The following CPOX variants were observed in gnomAD, a reference collection of about 807,000 sequenced individuals.
CPOX encodes the protein coproporphyrinogen oxidase.
In CPOX, 24 loss-of-function variants were observed where a neutral mutation model predicts 48.9. That is an observed-to-expected ratio of 0.49 (90% CI 0.36 to 0.69). The LOEUF (loss-of-function observed/expected upper bound fraction) is 0.69, where lower values mean the gene tolerates loss of function less well. Among genes scored for constraint, CPOX ranks in the 30% least tolerant of loss-of-function variants. The pLI is 0.00. For synonymous variants in CPOX, 249 were observed against 234.6 expected (o/e 1.06, Z -0.56); for missense variants, 549 against 597.3 (o/e 0.92, Z 0.84).
At chr3:98,586,152 G>T (rs138556073) in intron 4 of CPOX, among the ~76,000 whole-genome samples, 1 of 152,136 alleles carries the variant, frequency 6.6e-6, no homozygotes, top group African/African-American at 2.4e-5. Flanking sequence ...GATTACAGGC[G>T]TGAGCCACCA....
At position 98,579,830 on chromosome 3, in the gene CPOX, A is replaced by C; in HGVS notation, c.*853T>G. 1 of 985,382 alleles carries C rather than the reference A, an allele frequency of 1.0e-6. No individual in the cohort carries two copies. The highest frequency in any genetic ancestry group is 4.7e-5 in the South Asian group (1 of 21,284). 61.0% of individuals were successfully genotyped at this position (985,382 alleles called of 1,614,324 possible). A position where few individuals can be genotyped will look rare whatever the true frequency, so the allele number is the denominator to read the frequency against. On this transcript the variant is annotated 3_prime_UTR_variant, in exon 7 of 7. Coordinates refer to ENST00000647941, the MANE Select transcript of CPOX (RefSeq NM_000097.7). The stretch of plus-strand genomic sequence containing the variant: ...AAAGAAGGAAATTATTTCTCATTTC[A>C]TTTTCCAAATGAGAAACATTGCCTA...
In CPOX at chr3:98,580,088, G is replaced by C; in HGVS notation, c.*595C>G. On this transcript the variant is annotated 3_prime_UTR_variant, in exon 7 of 7. Transcript: ENST00000647941. ...TACAAACTACAGAAATAACTGAATT[G>C]TAACACATGCAGAGATTATTTCAAG... 1 of 920,616 alleles carries C rather than the reference G, an allele frequency of 1.1e-6. No individual in the cohort carries two copies. The highest frequency in any genetic ancestry group is 1.2e-6 in the Non-Finnish European group (1 of 803,068). 57.0% of individuals were successfully genotyped at this position (920,616 alleles called of 1,614,324 possible).
At chr3:98,581,265 G>C (rs938746243) in intron 6 of CPOX, 142 bp downstream of exon 6, 6 of 693,398 alleles carry the variant, frequency 8.7e-6, no homozygotes, top group African/African-American at 7.1e-5. Flanking sequence ...TGCCTTATTT[G>C]ACTGTGATTT....
At chr3:98,590,914 G>A (rs567313907) in intron 2 of CPOX, 98 bp downstream of exon 2, 139 of 1,456,870 alleles carry the variant, frequency 9.5e-5, no homozygotes, top group Non-Finnish European at 1.3e-4. Flanking sequence ...GAACCCGAAT[G>A]GCTTTTTTCA....
chr3:98,580,683 T>G lies in CPOX; in HGVS notation c.1365A>C (p.Ter455CysextTer75). The change falls in exon 7 of 7, where the codon TGA (stop) becomes TGC (cysteine). Residue 455 changes from the stop codon to cysteine, a stop_lost. Coordinates refer to ENST00000647941, the MANE Select transcript of CPOX (RefSeq NM_000097.7). Reference sequence around the variant, plus strand: ...CCCCTGCACAGCCATTCTGCCTGCATCAACGCACCCAGTCCCTTGGATGGC... The same window carrying G: ...CCCCTGCACAGCCATTCTGCCTGCAGCAACGCACCCAGTCCCTTGGATGGC... ...VLRHPRDWVR[*>C] 6.2e-7 allele frequency: 1 copy of G among 1,614,196 alleles called. No homozygotes were observed. Among genetic ancestry groups the G allele is most frequent in the Non-Finnish European group, 8.5e-7 (1 of 1,180,008 alleles).
At chr3:98,578,618 CCTGCCATCCATTGAT>C, downstream of CPOX, among the ~76,000 whole-genome samples, 1 of 152,294 alleles carries the variant, frequency 6.6e-6, no homozygotes, top group East Asian at 1.9e-4. Context: ...TCCCCTAACC[CCTGCCATCCATTGAT>C]CTGCTTTCTG....
intron 6 of CPOX, among the ~76,000 whole-genome samples, chr3:98,580,988 G>A (rs1707248500): frequency 6.6e-6 from 1 of 152,004 alleles, no homozygotes; most frequent in Non-Finnish European, 1.5e-5. Flanking sequence ...GTATGCTTTG[G>A]CTAGTATTAA....
At chr3:98,574,613 G>A (rs1441682649), downstream of CPOX, among the ~76,000 whole-genome samples, 6 of 152,146 alleles carry the variant, frequency 3.9e-5, no homozygotes, top group African/African-American at 9.7e-5. Context: ...ACAGAGTTTC[G>A]CGCCGTCGCG....
chr3:98,578,066 C>T (rs181196576), downstream of CPOX, among the ~76,000 whole-genome samples: 53 of 152,276 alleles, frequency 3.5e-4, no homozygotes, highest in African/African-American at 1.2e-3. Context: ...CCCTTTATTA[C>T]CATGAACCTG....
chr3:98,592,339 A>T lies in CPOX; in HGVS notation c.556+610T>A, dbSNP rs79953695. 6.1e-3 allele frequency among the ~76,000 whole-genome samples: 924 copies of T among 152,318 alleles called. 2 individuals are homozygous for T. Among genetic ancestry groups the T allele is most frequent in the Middle Eastern group, 0.02 (6 of 294 alleles). ...ATGGTCATGAATGTACGCCTCTACG[A>T]GAACTGGGTTTTGATGCTCAAGTAT... is the stretch of plus-strand genomic sequence containing the variant. On this transcript the variant is annotated intron_variant, in intron 1 of 6. Coordinates refer to ENST00000647941, the MANE Select transcript of CPOX (RefSeq NM_000097.7).
At chr3:98,576,425 T>C (rs1707163667), downstream of CPOX, among the ~76,000 whole-genome samples, 1 of 152,160 alleles carries the variant, frequency 6.6e-6, no homozygotes, top group Non-Finnish European at 1.5e-5. Context: ...CCACCTGGTC[T>C]CTCCCTTGAC....
Position 98,581,428 on chromosome 3 carries a change from A to G in CPOX, c.1256T>C (p.Met419Thr). 1 of 1,613,886 alleles carries G rather than the reference A, an allele frequency of 6.2e-7. No homozygotes were observed. Among genetic ancestry groups the G allele is most frequent in the South Asian group, 1.1e-5 (1 of 91,080 alleles). Residue 419 changes from methionine to threonine, a missense_variant, in exon 6 of 7, where the codon ATG becomes ACG. Met to Thr is a moderately conservative substitution (Grantham distance 81). This residue lies in a region of CPOX where 213 missense variants were observed against 279.1 expected (regional missense o/e 0.76). Transcript: ENST00000647941. The part of the protein sequence containing the change: ...TPGSRIESIL[M>T]SLPLTARWEY... Reference sequence around the variant, plus strand: ...TTACCGGGCAGTTAGAGGTAAAGACATCAAGATACTTTCAATTCTGGATCC... The same window carrying G: ...TTACCGGGCAGTTAGAGGTAAAGACGTCAAGATACTTTCAATTCTGGATCC...
chr3:98,584,941 A>C, intron 5 of CPOX, among the ~76,000 whole-genome samples: 1 of 152,232 alleles, frequency 6.6e-6, no homozygotes, highest in Admixed American at 6.5e-5. Flanking sequence ...CTTGGGCAAC[A>C]GACTTAACTT....
intron 5 of CPOX, among the ~76,000 whole-genome samples, chr3:98,584,327 TC>T (rs1455238635): frequency 2.0e-5 from 3 of 152,036 alleles, no homozygotes; most frequent in African/African-American, 7.2e-5. Context: ...AAAATAAGTA[TC>T]AAGTGAAAGG....
rs989093954 is a variant in CPOX at position 98,580,851 on chromosome 3, A to C, written c.1278-81T>G. The C allele has an allele frequency of 1.3e-5, 19 of 1,480,180 alleles. No individual in the cohort carries two copies. In the African/African-American group the frequency reaches 2.7e-4, roughly 21 times the overall value. The allele number at this position is 1,480,180 out of a possible 1,614,324, so 91.7% of individuals were successfully genotyped here. On this transcript the variant is annotated intron_variant, in intron 6 of 6. Transcript: ENST00000647941. ...CTTTACTTAAAATAAATGAAAAATA[A>C]AATCCTAAGAATAAAAAAAAAAAAA... is the stretch of plus-strand genomic sequence containing the variant.
chr3:98,582,650 A>C (rs1157856500), intron 5 of CPOX, among the ~76,000 whole-genome samples: 3 of 151,874 alleles, frequency 2.0e-5, no homozygotes, highest in Non-Finnish European at 4.4e-5. Context: ...CGCCACCATG[A>C]CTGGCTAATT....
intron 3 of CPOX, 21 bp downstream of exon 3, chr3:98,590,611 C>T (rs370596033): frequency 1.4e-4 from 214 of 1,517,178 alleles, no homozygotes; most frequent in Admixed American, 8.7e-4. Context: ...CAGTACTTTC[C>T]GTAGCTCCTG....
chr3:98,592,848 T>C, intron 1 of CPOX, 101 bp downstream of exon 1: 2 of 1,323,798 alleles, frequency 1.5e-6, no homozygotes, highest in South Asian at 2.5e-5. Context: ...ACCCCCTACC[T>C]ACCCCATCCC....
At chr3:98,575,759 G>T (rs942042637), downstream of CPOX, among the ~76,000 whole-genome samples, 1 of 150,812 alleles carries the variant, frequency 6.6e-6, no homozygotes, top group Non-Finnish European at 1.5e-5. Flanking sequence ...GTGAAACCTT[G>T]TCTCTACTAA....
Sources: gnomAD v4.1 joint callset for allele counts (sites outside exome capture counted in the v4.1 genomes callset) on GRCh38, gnomAD v4.1.1 for gene constraint, gnomAD v4.1.1 regional missense constraint, MANE v1.5 for transcripts, NCBI Gene and HGNC (gene_info 2026-07-23, HGNC 2026-07-21) for gene names.